SERPINF1: variants seen among roughly 807,000 people sequenced by gnomAD.
SERPINF1 encodes serpin family F member 1.
A neutral mutation model predicts 37.3 loss-of-function variants in SERPINF1; 29 were observed. That is an observed-to-expected ratio of 0.78 (90% confidence interval 0.58 to 1.06). The LOEUF (loss-of-function observed/expected upper bound fraction) is 1.06. Ranked by LOEUF, SERPINF1 falls within the 50% of genes least tolerant of loss-of-function variation. The pLI, the probability that SERPINF1 is intolerant of heterozygous loss-of-function variation, is 0.00. For synonymous variants in SERPINF1, 281 were observed against 227.9 expected (o/e 1.23, Z -2.10); for missense variants, 553 against 532.2 (o/e 1.04, Z -0.38).
chr17:1,771,285 G>C, intron 4 of SERPINF1, 101 bp downstream of exon 4: 1 of 1,269,534 alleles, frequency 7.9e-7, no homozygotes, highest in Middle Eastern at 2.8e-4. Flanking sequence ...GTCTCGCTCT[G>C]TTGCCCAGGC....
chr17:1,776,834 C>T (rs1363222001), intron 7 of SERPINF1, 92 bp downstream of exon 7: 5 of 1,218,052 alleles, frequency 4.1e-6, no homozygotes, highest in Non-Finnish European at 6.0e-6. Context: ...CGCAAGGGCT[C>T]CACAGGCTTG....
chr17:1,777,514 A>C lies in SERPINF1; in HGVS notation c.*68A>C. The C allele has an allele frequency of 6.2e-7, 1 of 1,600,598 alleles. No homozygotes were observed. The highest frequency in any genetic ancestry group is 8.6e-7 in the Non-Finnish European group (1 of 1,169,162). ...GGACAGCAGATTCCACAGGACACGAAGGCTGCCCCTGTAAGGTTTCAATGC... is the reference window on the plus strand; with the variant it reads ...GGACAGCAGATTCCACAGGACACGACGGCTGCCCCTGTAAGGTTTCAATGC... On this transcript the variant is annotated 3_prime_UTR_variant, in exon 8 of 8. Coordinates refer to ENST00000254722, the MANE Select transcript of SERPINF1 (RefSeq NM_002615.7).
intron 1 of SERPINF1, among the ~76,000 whole-genome samples, chr17:1,764,750 G>T (rs1019471829): frequency 6.6e-6 from 1 of 152,158 alleles, no homozygotes; most frequent in Non-Finnish European, 1.5e-5. Context: ...TGCTGTGTGG[G>T]TGGATGTTTG....
chr17:1,767,037 C>A (rs1907430277), intron 2 of SERPINF1, 43 bp downstream of exon 2: 8 of 1,504,536 alleles, frequency 5.3e-6, no homozygotes, highest in Non-Finnish European at 7.2e-6. Context: ...ATTCCCCGCC[C>A]CTCCTTGGCA....
intron 3 of SERPINF1, chr17:1,770,798 A>C (rs1357828125): frequency 1.9e-6 from 1 of 535,594 alleles, no homozygotes; most frequent in South Asian, 1.9e-5. Context: ...AAGTACAGGG[A>C]CTGGTACCTC....
chr17:1,766,560 AATAAAAT>A (rs1907381231), intron 1 of SERPINF1: 1 of 110,254 alleles, frequency 9.1e-6, no homozygotes, highest in Admixed American at 1.1e-4. Context: ...TGTTTCAAAA[AATAAAAT>A]ATAAATAAAT....
chr17:1,762,889 T>G (rs931229226), intron 1 of SERPINF1: 1 of 152,320 alleles, frequency 6.6e-6, no homozygotes, highest in Non-Finnish European at 1.5e-5. Context: ...GAGGGGTAGG[T>G]CTCAGCAGGA....
At chr17:1,770,988 TGG>T (rs1170116096) in intron 3 of SERPINF1, 39 bp from the exon 4 acceptor site, 2 of 1,613,182 alleles carry the variant, frequency 1.2e-6, no homozygotes, top group Admixed American at 3.3e-5. Context: ...TTTGGGGCCC[TGG>T]TGTGCAGTTA....
At chr17:1,770,749 C>T (rs897354327) in intron 3 of SERPINF1, 9 of 403,300 alleles carry the variant, frequency 2.2e-5, no homozygotes, top group Admixed American at 7.2e-5. Flanking sequence ...CGTGAGCCAC[C>T]GCGCCTGGCC....
At chr17:1,775,974 C>T (rs1017095401) in intron 6 of SERPINF1, among the ~76,000 whole-genome samples, 2 of 152,208 alleles carry the variant, frequency 1.3e-5, no homozygotes, top group South Asian at 2.1e-4. Context: ...GAGGGAGCAC[C>T]GCCAGGTGTG....
chr17:1,771,302 G>A (rs1193816979), intron 4 of SERPINF1, 118 bp downstream of exon 4: 2 of 1,096,322 alleles, frequency 1.8e-6, no homozygotes, highest in Non-Finnish European at 2.6e-6. Flanking sequence ...AGGCTGGAGT[G>A]CAGTGGCGTG....
chr17:1,767,209 G>C (rs1907440520), intron 2 of SERPINF1, among the ~76,000 whole-genome samples: 1 of 152,154 alleles, frequency 6.6e-6, no homozygotes, highest in African/African-American at 2.4e-5. Flanking sequence ...GATCCCAAAA[G>C]AGTAAAAATC....
intron 1 of SERPINF1, among the ~76,000 whole-genome samples, chr17:1,766,048 C>T (rs1000908502): frequency 2.0e-5 from 3 of 152,070 alleles, no homozygotes; most frequent in Non-Finnish European, 4.4e-5. Context: ...CAGCACGTGC[C>T]GGACTGGGTG....
At chr17:1,773,814 G>A (rs947886211) in intron 5 of SERPINF1, among the ~76,000 whole-genome samples, 1 of 152,172 alleles carries the variant, frequency 6.6e-6, no homozygotes, top group Admixed American at 6.5e-5. Flanking sequence ...GCCCTGTTCA[G>A]ATAAGGCCTT....
chr17:1,762,514 A>G (rs1476767217), intron 1 of SERPINF1, among the ~76,000 whole-genome samples: 1 of 152,306 alleles, frequency 6.6e-6, no homozygotes, highest in South Asian at 2.1e-4. Context: ...TGCTTCCACC[A>G]AGGGCAGTCA....
intron 5 of SERPINF1, 62 bp downstream of exon 5, chr17:1,772,137 G>A (rs1004876826): frequency 4.6e-6 from 7 of 1,521,170 alleles, no homozygotes; most frequent in South Asian, 3.6e-5. Flanking sequence ...TAATTAATTC[G>A]ATGGAGTCTT....
intron 1 of SERPINF1, among the ~76,000 whole-genome samples, chr17:1,763,587 A>AC (rs1907212246): frequency 2.6e-5 from 4 of 152,168 alleles, no homozygotes; most frequent in African/African-American, 7.2e-5. Context: ...GTCCATGCAG[A>AC]CCCCCACGCT....
At chr17:1,775,245 G>T (rs1378641604) in intron 6 of SERPINF1, 45 bp downstream of exon 6, 1 of 1,591,120 alleles carries the variant, frequency 6.3e-7, no homozygotes, top group Non-Finnish European at 8.6e-7. Flanking sequence ...GGAGGGAGAG[G>T]ATAGAGAAGC....
intron 6 of SERPINF1, 44 bp downstream of exon 6, chr17:1,775,244 G>C (rs1328706104): frequency 8.8e-6 from 14 of 1,591,080 alleles, no homozygotes; most frequent in African/African-American, 1.3e-5. Flanking sequence ...TGGAGGGAGA[G>C]GATAGAGAAG....
Sources: allele counts gnomAD v4.1 joint callset (sites outside exome capture counted in the v4.1 genomes callset), GRCh38; gene constraint gnomAD v4.1.1; transcripts MANE v1.5; gene names NCBI Gene and HGNC (gene_info 2026-07-23, HGNC 2026-07-21).